The following CCDC112 variants were observed in gnomAD, a reference collection of about 807,000 sequenced individuals.
CCDC112 encodes coiled-coil domain containing 112.
CCDC112 carries 40 observed loss-of-function variants against 66.3 expected under a neutral mutation model. The ratio of observed to expected loss-of-function variants is 0.60; its 90% CI spans 0.47 to 0.79. CCDC112 has a LOEUF of 0.79. Ranked by LOEUF, CCDC112 falls within the 30% of genes least tolerant of loss-of-function variation. The pLI is 0.00. For synonymous variants in CCDC112, 214 were observed against 197.2 expected, an observed-to-expected ratio of 1.09 and a Z score of -0.71; for missense variants, 659 against 603.8, an observed-to-expected ratio of 1.09 and a Z score of -0.96.
chr5:115,288,137 C>T (rs2925185), intron 1 of CCDC112, among the ~76,000 whole-genome samples: 46,575 of 151,910 alleles, frequency 0.31, 7,524 homozygotes, highest in Middle Eastern at 0.53. Context: ...CCCACCACCA[C>T]GCCCAGCTAA....
chr5:115,279,374 A>AT (rs1168807913), intron 3 of CCDC112, among the ~76,000 whole-genome samples: 1 of 151,914 alleles, frequency 6.6e-6, no homozygotes, highest in East Asian at 1.9e-4. Flanking sequence ...CAACCAAAAA[A>AT]ATCCCCCAAA....
At position 115,267,560 on chromosome 5, in the gene CCDC112, C is replaced by T. The variant is rs1400697720; in HGVS notation, c.*316G>A. The T allele has an allele frequency of 1.4e-5, 3 of 212,378 alleles. No homozygotes were observed. The highest frequency in any genetic ancestry group is 2.8e-5 in the Non-Finnish European group (3 of 108,358). 13.2% of individuals were successfully genotyped at this position (212,378 alleles called of 1,614,324 possible). ...GTCATTGTATGATTGTTCCAATTTA[C>T]TTTGCTATGCTATAACAAAAACAAA... On this transcript the variant is annotated 3_prime_UTR_variant, in exon 10 of 10. Coordinates refer to ENST00000379611, the MANE Select transcript of CCDC112 (RefSeq NM_001040440.3).
chr5:115,286,937 T>C (rs1178784566), intron 1 of CCDC112, among the ~76,000 whole-genome samples: 4 of 152,076 alleles, frequency 2.6e-5, no homozygotes, highest in African/African-American at 7.2e-5. Flanking sequence ...CAACAAAGGA[T>C]TGCCCTTTTA....
chr5:115,291,885 C>A (rs527683532), intron 1 of CCDC112, among the ~76,000 whole-genome samples: 11 of 152,012 alleles, frequency 7.2e-5, no homozygotes, highest in Non-Finnish European at 1.0e-4. Flanking sequence ...TGAGGAATTC[C>A]TTATATGTAA....
chr5:115,282,159 G>A (rs1341950464), intron 2 of CCDC112, among the ~76,000 whole-genome samples: 1 of 152,138 alleles, frequency 6.6e-6, no homozygotes, highest in Non-Finnish European at 1.5e-5. Flanking sequence ...ACTGGAATAT[G>A]ATACAGTGGT....
At chr5:115,289,654 C>T (rs1313854441) in intron 1 of CCDC112, among the ~76,000 whole-genome samples, 1 of 151,992 alleles carries the variant, frequency 6.6e-6, no homozygotes, top group African/African-American at 2.4e-5. Context: ...GATGTAAGAC[C>T]CTTATCAACA....
chr5:115,282,597 A>G (rs1749503370), intron 2 of CCDC112, among the ~76,000 whole-genome samples: 1 of 152,164 alleles, frequency 6.6e-6, no homozygotes, highest in Non-Finnish European at 1.5e-5. Context: ...AAAAATGCAG[A>G]GCAATGTGGA....
intron 1 of CCDC112, among the ~76,000 whole-genome samples, chr5:115,287,853 C>A (rs1215254289): frequency 1.3e-5 from 2 of 151,700 alleles, no homozygotes; most frequent in Non-Finnish European, 2.9e-5. Flanking sequence ...CTGCTTTTTT[C>A]TTTTATTTTT....
intron 2 of CCDC112, among the ~76,000 whole-genome samples, chr5:115,284,039 A>T (rs763710729): frequency 2.6e-5 from 4 of 152,170 alleles, no homozygotes; most frequent in Admixed American, 2.6e-4. Flanking sequence ...TAGCTTGGTC[A>T]TAATGGGCAA....
chr5:115,275,694 T>C, intron 5 of CCDC112, 88 bp from the exon 6 acceptor site: 1 of 913,884 alleles, frequency 1.1e-6, no homozygotes, highest in Middle Eastern at 3.3e-4. Context: ...TGACTCTTTA[T>C]ATCATCTTCT....
intron 7 of CCDC112, 56 bp from the exon 8 acceptor site, chr5:115,269,854 A>C (rs923170686): frequency 2.2e-5 from 25 of 1,112,636 alleles, no homozygotes; most frequent in Admixed American, 2.9e-5. Context: ...ATTTGTTCAA[A>C]ATTTAGTTGT....
intron 1 of CCDC112, among the ~76,000 whole-genome samples, chr5:115,286,816 G>A (rs1248645069): frequency 1.3e-5 from 2 of 152,058 alleles, no homozygotes; most frequent in Non-Finnish European, 2.9e-5. Flanking sequence ...TCAGGAGGCT[G>A]AGGTGGGAGG....
intron 6 of CCDC112, among the ~76,000 whole-genome samples, chr5:115,274,848 C>T (rs1240194145): frequency 6.6e-6 from 1 of 152,208 alleles, no homozygotes. Context: ...TCAAGCAATC[C>T]TCCCACCTCA....
chr5:115,279,606 T>C (rs535929447), intron 3 of CCDC112, 41 bp downstream of exon 3: 9 of 1,601,126 alleles, frequency 5.6e-6, no homozygotes, highest in Admixed American at 5.0e-5. Context: ...TACAACTTTA[T>C]ATCGCTCAAC....
At position 115,275,527 on chromosome 5, in the gene CCDC112, A is replaced by G. The variant is rs775511717; in HGVS notation, c.607T>C (p.Leu203=). The change falls in exon 6 of 10, where the codon TTG becomes CTG. Residue 203 remains leucine (L), a synonymous_variant. Coordinates refer to ENST00000379611, the MANE Select transcript of CCDC112 (RefSeq NM_001040440.3). ...GCTTTCTCTGTTTCTGAATTACCCA[A>G]AGCCCATGTGTCAATTTTTCTTGAT... is the stretch of plus-strand genomic sequence containing the variant. ...AISRKIDTWA[L]GNSETEKAFR... The G allele has an allele frequency of 6.2e-7, 1 of 1,613,918 alleles. No homozygotes were observed. The highest frequency in any genetic ancestry group is 8.5e-7 in the Non-Finnish European group (1 of 1,179,978).
At chr5:115,295,096 CT>C (rs1171828268) in intron 1 of CCDC112, among the ~76,000 whole-genome samples, 1 of 152,124 alleles carries the variant, frequency 6.6e-6, no homozygotes, top group Non-Finnish European at 1.5e-5. Flanking sequence ...CAACACCCCC[CT>C]GCTCCCCACT....
At chr5:115,277,275 T>C in intron 3 of CCDC112, 2 of 369,814 alleles carry the variant, frequency 5.4e-6, no homozygotes, top group Non-Finnish European at 4.9e-6. Flanking sequence ...GGTTAAGTCT[T>C]ACTATAACCC....
At position 115,281,149 on chromosome 5, in the gene CCDC112, G is replaced by A. The variant is rs940361736; in HGVS notation, c.240-1381C>T. On this transcript the variant is annotated intron_variant, in intron 2 of 9. Coordinates refer to ENST00000379611, the MANE Select transcript of CCDC112 (RefSeq NM_001040440.3). ...AGCAATTCCCCTGCCTCAGCCTCCC[G>A]AGTAACTGGGACTACAAGCGCCTGC... 1.7e-3 allele frequency among the ~76,000 whole-genome samples: 255 copies of A among 151,498 alleles called. 2 individuals are homozygous for A. Among genetic ancestry groups the A allele is most frequent in the Admixed American group, 0.015 (224 of 15,192 alleles).
intron 1 of CCDC112, among the ~76,000 whole-genome samples, chr5:115,290,223 T>A (rs1191014930): frequency 6.6e-6 from 1 of 152,226 alleles, no homozygotes; most frequent in African/African-American, 2.4e-5. Flanking sequence ...TTGTCCAAAC[T>A]TTTGTTGAAA....
Sources: gnomAD v4.1 joint callset for allele counts (sites outside exome capture counted in the v4.1 genomes callset) on GRCh38, gnomAD v4.1.1 for gene constraint, MANE v1.5 for transcripts, NCBI Gene and HGNC (gene_info 2026-07-23, HGNC 2026-07-21) for gene names.